PTK2: variants seen among roughly 807,000 people sequenced by gnomAD.
The protein encoded by PTK2 is protein tyrosine kinase 2.
Under a neutral mutation model 150.1 loss-of-function variants are expected in PTK2, and 45 were observed. The ratio of observed to expected loss-of-function variants is 0.30; its 90% confidence interval spans 0.24 to 0.38. The LOEUF is 0.38. Among genes scored for constraint, PTK2 ranks in the 10% least tolerant of loss-of-function variants. The probability of loss-of-function intolerance (pLI) is 1.00; values close to 1 mark genes in which losing one functional copy is unlikely to be tolerated. For synonymous variants in PTK2, 432 were observed against 449.2 expected (o/e 0.96, Z 0.48); for missense variants, 919 against 1,307.3 (o/e 0.70, Z 4.58).
In PTK2 at chr8:140,981,750, A is replaced by G. The variant is rs574840378; in HGVS notation, c.-122+19375T>C. Reference sequence around the variant, plus strand: ...GCCCATGGATGCTGTAGCACTGTACAGCAGAGCTGAGTACTTGTGAGAGGT... The same window carrying G: ...GCCCATGGATGCTGTAGCACTGTACGGCAGAGCTGAGTACTTGTGAGAGGT... On this transcript the variant is annotated intron_variant, in intron 1 of 31. Transcript: ENST00000522684. Among the ~76,000 whole-genome samples, 189 of 152,202 alleles carry G rather than the reference A, an allele frequency of 1.2e-3. 1 individual carries two copies. The highest frequency in any genetic ancestry group is 2.6e-3 in the Non-Finnish European group (177 of 68,040).
chr8:140,935,625 T>C (rs1487883072), intron 1 of PTK2, among the ~76,000 whole-genome samples: 2 of 152,048 alleles, frequency 1.3e-5, no homozygotes, highest in Non-Finnish European at 2.9e-5. Flanking sequence ...ATTCACTCTG[T>C]TATTTGAAAC....
chr8:140,927,958 GA>G (rs57931737), intron 1 of PTK2, among the ~76,000 whole-genome samples: 1,082 of 63,630 alleles, frequency 0.017, 8 homozygotes, highest in African/African-American at 0.036. Context: ...AAAAAAAAAA[GA>G]AAAAAAAAAA....
intron 5 of PTK2, among the ~76,000 whole-genome samples, chr8:140,847,037 T>C (rs1029895790): frequency 1.3e-5 from 2 of 152,182 alleles, no homozygotes; most frequent in African/African-American, 4.8e-5. Flanking sequence ...ACCACTTAAA[T>C]GGGACATTAA....
At chr8:140,777,201 A>G (rs1359154489) in intron 14 of PTK2, among the ~76,000 whole-genome samples, 3 of 152,200 alleles carry the variant, frequency 2.0e-5, no homozygotes, top group African/African-American at 7.2e-5. Flanking sequence ...TAAAGAAAAG[A>G]CGTTTTAATT....
intron 22 of PTK2, among the ~76,000 whole-genome samples, chr8:140,733,485 T>A (rs1020225733): frequency 1.3e-5 from 2 of 151,936 alleles, no homozygotes; most frequent in Admixed American, 6.6e-5. Context: ...AGATGGCAAG[T>A]CAATGAGGTA....
chr8:140,948,015 T>C (rs2100178279), intron 1 of PTK2, among the ~76,000 whole-genome samples: 1 of 152,146 alleles, frequency 6.6e-6, no homozygotes, highest in South Asian at 2.1e-4. Context: ...GCCCACAGAC[T>C]AAAAGCATGC....
chr8:140,781,426 A>T lies in PTK2; in HGVS notation c.1177+8048T>A, dbSNP rs534053026. Among the ~76,000 whole-genome samples, 111 of 152,348 alleles carry T rather than the reference A, an allele frequency of 7.3e-4. 2 individuals are homozygous for T. The South Asian group carries it at 0.022, about 30-fold the overall frequency. On this transcript the variant is annotated intron_variant, in intron 14 of 31. Transcript: ENST00000522684. ...GCATTTATTTTATAAAGACAAAAAT[A>T]CATTTTTGTTTCTAATACTCTCATA...
chr8:140,686,578 T>TG, intron 27 of PTK2, 54 bp downstream of exon 30: 1 of 1,360,244 alleles, frequency 7.4e-7, no homozygotes, highest in Non-Finnish European at 1.1e-6. Context: ...TAAACACTGA[T>TG]GGTCCACGCA....
chr8:140,851,174 T>C (rs1567543658), intron 5 of PTK2, among the ~76,000 whole-genome samples: 1 of 152,236 alleles, frequency 6.6e-6, no homozygotes, highest in Non-Finnish European at 1.5e-5. Flanking sequence ...GTATTTTGTA[T>C]ACAGAAGGAA....
At chr8:140,881,152 T>C (rs1330080592) in intron 3 of PTK2, among the ~76,000 whole-genome samples, 1 of 152,182 alleles carries the variant, frequency 6.6e-6, no homozygotes, top group East Asian at 1.9e-4. Context: ...TAAAATGTCC[T>C]TCCTGGCTTT....
At chr8:140,920,648 A>C (rs1045000508) in intron 2 of PTK2, among the ~76,000 whole-genome samples, 1 of 152,238 alleles carries the variant, frequency 6.6e-6, no homozygotes, top group Non-Finnish European at 1.5e-5. Context: ...AAAGCTATCT[A>C]ATTGGTTTTA....
chr8:140,758,243 C>T (rs147251151), intron 16 of PTK2, among the ~76,000 whole-genome samples: 1 of 152,024 alleles, frequency 6.6e-6, no homozygotes, highest in Non-Finnish European at 1.5e-5. Context: ...TGTGCACCAC[C>T]AGGCCAGGTT....
chr8:140,879,678 A>ATT, intron 3 of PTK2, 41 bp from the exon 4 acceptor site: 1 of 950,620 alleles, frequency 1.1e-6, no homozygotes, highest in Non-Finnish European at 1.4e-6. Flanking sequence ...TATAAACTGA[A>ATT]AAAAAAAAAA....
intron 13 of PTK2, among the ~76,000 whole-genome samples, chr8:140,792,185 T>A (rs552791157): frequency 9.2e-5 from 14 of 152,346 alleles, no homozygotes; most frequent in African/African-American, 3.4e-4. Flanking sequence ...ACAGGTATGG[T>A]ACACTATGCC....
intron 7 of PTK2, 30 bp downstream of exon 7, chr8:140,846,230 G>T: frequency 1.3e-6 from 2 of 1,507,896 alleles, no homozygotes; most frequent in Non-Finnish European, 1.8e-6. Flanking sequence ...CTGCATATTT[G>T]CAGGTATAGA....
chr8:140,872,389 C>T (rs1329013980), intron 4 of PTK2, among the ~76,000 whole-genome samples: 1 of 152,128 alleles, frequency 6.6e-6, no homozygotes, highest in African/African-American at 2.4e-5. Context: ...TACTTTATAG[C>T]CTACATTATA....
rs958652827 is a variant in PTK2 at position 140,997,583 on chromosome 8, C to T, written c.-122+3542G>A. Among the ~76,000 whole-genome samples, 3 of 152,198 alleles carry T rather than the reference C, an allele frequency of 2.0e-5. 1 individual carries two copies. Among genetic ancestry groups the T allele is most frequent in the South Asian group, 4.1e-4 (2 of 4,834 alleles). ...GCAGCCATCACCACTGAGGGAAGAC[C>T]ATCCACCAGCAAAAAGATTATGACT... On this transcript the variant is annotated intron_variant, in intron 1 of 31. Transcript: ENST00000522684.
intron 23 of PTK2, 50 bp downstream of exon 26, chr8:140,717,548 T>C (rs2100040409): frequency 1.4e-6 from 2 of 1,427,620 alleles, no homozygotes; most frequent in African/African-American, 1.4e-5. Flanking sequence ...ACTGTAAATC[T>C]TGAAAGTTAG....
At chr8:140,740,250 G>A (rs1593077674) in intron 20 of PTK2, among the ~76,000 whole-genome samples, 1 of 152,174 alleles carries the variant, frequency 6.6e-6, no homozygotes, top group East Asian at 1.9e-4. Flanking sequence ...GGTACAAGGT[G>A]TAACACAGAT....
Sources: gnomAD v4.1 joint callset for allele counts (sites outside exome capture counted in the v4.1 genomes callset) on GRCh38, gnomAD v4.1.1 for gene constraint, MANE v1.5 for transcripts, NCBI Gene and HGNC (gene_info 2026-07-23, HGNC 2026-07-21) for gene names.